The following IQGAP3 variants were observed in gnomAD, a reference collection of about 807,000 sequenced individuals.
IQGAP3 encodes IQ motif containing GTPase activating protein 3, also known as ras GTPase-activating-like protein IQGAP3.
A neutral mutation model predicts 208.2 loss-of-function variants in IQGAP3; 165 were observed. The observed-to-expected ratio is 0.79, with a 90% CI of 0.70 to 0.90. The LOEUF is 0.90. Among genes scored for constraint, IQGAP3 ranks in the 40% least tolerant of loss-of-function variants. The pLI, the probability that IQGAP3 is intolerant of heterozygous loss-of-function variation, is 0.00. For missense variants in IQGAP3, 1,811 were observed against 2,043.1 expected, an observed-to-expected ratio of 0.89 and a Z score of 2.19; for synonymous variants, 703 against 803.6, an observed-to-expected ratio of 0.87 and a Z score of 2.12.
In IQGAP3 at chr1:156,538,955, A is replaced by G; in HGVS notation, c.3135T>C (p.Asn1045=). Residue 1045 remains asparagine (N), a synonymous_variant, in exon 26 of 38, where the codon AAT becomes AAC. Transcript: ENST00000361170. ...CCTGCAGGGCACTCTGTCCCCGCCCATTACGGTAGAATCTCACCACCAGCC... is the reference window on the plus strand; with the variant it reads ...CCTGCAGGGCACTCTGTCCCCGCCCGTTACGGTAGAATCTCACCACCAGCC... The part of the protein sequence containing the change: ...VVRLVVRFYR[N]GRGQSALQEI... 1 of 1,614,170 alleles carries G rather than the reference A, an allele frequency of 6.2e-7. No individual in the cohort carries two copies. The highest frequency in any genetic ancestry group is 2.2e-5 in the East Asian group (1 of 44,888).
At position 156,531,186 on chromosome 1, in the gene IQGAP3, G is replaced by C. The variant is rs1160961023; in HGVS notation, c.4165C>G (p.Leu1389Val). Reference sequence around the variant, plus strand: ...TGCTCTCTGGAAGCCGAGAGGGACAGGATCTCCTTGAGGGTGTCCCCAGGA... The same window carrying C: ...TGCTCTCTGGAAGCCGAGAGGGACACGATCTCCTTGAGGGTGTCCCCAGGA... The part of the protein sequence containing the change: ...FHPGDTLKEI[L>V]SLSASREQEA... Residue 1389 changes from leucine to valine, a missense_variant, in exon 33 of 38, where the codon CTG (leucine) becomes GTG (valine). Leu to Val is a conservative substitution (Grantham distance 32, BLOSUM62 1). Coordinates refer to ENST00000361170, the MANE Select transcript of IQGAP3 (RefSeq NM_178229.5). 9 of 1,613,858 alleles carry C rather than the reference G, an allele frequency of 5.6e-6. No individual in the cohort carries two copies. In the African/African-American group the frequency reaches 8.0e-5, roughly 14 times the overall value.
intron 14 of IQGAP3, 31 bp downstream of exon 14, chr1:156,551,943 C>G (rs1428040472): frequency 1.2e-6 from 2 of 1,606,176 alleles, no homozygotes; most frequent in South Asian, 2.2e-5. Context: ...CTAAGTTGGG[C>G]CATCTCCACC....
rs79245953 is a variant in IQGAP3 at position 156,550,734 on chromosome 1, C to T, written c.1735-383G>A. 6.3e-3 allele frequency among the ~76,000 whole-genome samples: 959 copies of T among 152,326 alleles called. 4 individuals carry two copies. The highest frequency in any genetic ancestry group is 0.01 in the Non-Finnish European group (713 of 68,018). On this transcript the variant is annotated intron_variant, in intron 15 of 37. Transcript: ENST00000361170. ...TGGAGGCTCCAACTACCTGCCCCCACGCCCCACTCCCCTATGCCTCATTGC... is the reference window on the plus strand; with the variant it reads ...TGGAGGCTCCAACTACCTGCCCCCATGCCCCACTCCCCTATGCCTCATTGC...
chr1:156,561,787 C>T (rs1251829429), intron 10 of IQGAP3, 51 bp downstream of exon 10: 1 of 1,575,472 alleles, frequency 6.3e-7, no homozygotes, highest in East Asian at 2.3e-5. Flanking sequence ...GAGGCCCTCT[C>T]CTATCCTATA....
intron 19 of IQGAP3, among the ~76,000 whole-genome samples, chr1:156,544,987 C>T (rs1273594635): frequency 6.6e-6 from 1 of 151,964 alleles, no homozygotes; most frequent in Non-Finnish European, 1.5e-5. Flanking sequence ...GCCGTGTGCT[C>T]ACCATCTCTG....
chr1:156,566,269 A>G, intron 3 of IQGAP3, 121 bp downstream of exon 3: 4 of 1,256,994 alleles, frequency 3.2e-6, no homozygotes, highest in South Asian at 1.4e-5. Flanking sequence ...ACATAGATTA[A>G]TAACACTCCC....
At chr1:156,569,286 A>T in intron 2 of IQGAP3, 90 bp downstream of exon 2, 1 of 794,858 alleles carries the variant, frequency 1.3e-6, no homozygotes, top group East Asian at 2.6e-5. Context: ...TGGACTCTCG[A>T]TCTGTTGCAT....
chr1:156,536,993 T>G, intron 27 of IQGAP3, 188 bp downstream of exon 27: 1 of 540,294 alleles, frequency 1.9e-6, no homozygotes, highest in Non-Finnish European at 3.2e-6. Flanking sequence ...ACGCCGTCTC[T>G]CAGCTCAGCT....
chr1:156,569,495 G>A (rs750064017), intron 1 of IQGAP3, 32 bp from the exon 2 acceptor site: 2 of 1,080,860 alleles, frequency 1.9e-6, no homozygotes, highest in East Asian at 2.7e-5. Flanking sequence ...GGTCAATGAA[G>A]AGAGCATTAG....
Position 156,540,009 on chromosome 1 carries a change from G to C in IQGAP3, c.2740-19C>G. 6.2e-7 allele frequency: 1 copy of C among 1,613,924 alleles called. No individual in the cohort carries two copies. The highest frequency in any genetic ancestry group is 8.5e-7 in the Non-Finnish European group (1 of 1,179,954). On this transcript the variant is annotated intron_variant, in intron 23 of 37. Transcript: ENST00000361170. ...CCACTTCCTGCAGGGGTGGAGGAGC[G>C]GGTGATACAACTAGCCTAGGCCATC...
At chr1:156,545,603 G>C (rs912794726) in intron 19 of IQGAP3, among the ~76,000 whole-genome samples, 1 of 151,600 alleles carries the variant, frequency 6.6e-6, no homozygotes, top group Non-Finnish European at 1.5e-5. Flanking sequence ...GGGCTCAAGT[G>C]ATCCTCCTGC....
chr1:156,560,819 G>T (rs953806210), intron 11 of IQGAP3, 115 bp downstream of exon 11: 4 of 684,040 alleles, frequency 5.8e-6, no homozygotes, highest in Non-Finnish European at 1.0e-5. Context: ...TCCTAGCCAG[G>T]CTGGAAACAG....
At chr1:156,566,686 C>T in intron 2 of IQGAP3, 140 bp from the exon 3 acceptor site, 1 of 786,564 alleles carries the variant, frequency 1.3e-6, no homozygotes, top group South Asian at 1.8e-5. Flanking sequence ...CCTCCAACTC[C>T]CTTCTCTGCC....
At chr1:156,534,169 G>A (rs774766817) in intron 29 of IQGAP3, 28 bp from the exon 30 acceptor site, 4 of 1,610,980 alleles carry the variant, frequency 2.5e-6, no homozygotes, top group Non-Finnish European at 3.4e-6. Context: ...ATGTGAGAGA[G>A]CGGGGAGGGC....
At chr1:156,572,379 G>A in intron 1 of IQGAP3, 114 bp downstream of exon 1, 2 of 1,167,284 alleles carry the variant, frequency 1.7e-6, no homozygotes, top group Non-Finnish European at 2.5e-6. Context: ...CAGTCCCACC[G>A]CCCTCGCCCC....
intron 15 of IQGAP3, among the ~76,000 whole-genome samples, chr1:156,551,094 G>A (rs1480392750): frequency 2.0e-5 from 3 of 152,190 alleles, no homozygotes; most frequent in Non-Finnish European, 2.9e-5. Context: ...ACAGAGTAAG[G>A]ACTCAATAAA....
At chr1:156,569,680 G>A (rs1676560479) in intron 1 of IQGAP3, among the ~76,000 whole-genome samples, 1 of 151,788 alleles carries the variant, frequency 6.6e-6, no homozygotes, top group African/African-American at 2.4e-5. Context: ...CACCACGCCT[G>A]GCTAATTTTT....
In IQGAP3 at chr1:156,533,839, G is replaced by T; in HGVS notation, c.3910C>A (p.His1304Asn). 1 of 1,612,678 alleles carries T rather than the reference G, an allele frequency of 6.2e-7. No individual in the cohort carries two copies. The highest frequency in any genetic ancestry group is 1.1e-5 in the South Asian group (1 of 90,890). The change falls in exon 31 of 38, where the codon CAC becomes AAC. Residue 1304 changes from histidine to asparagine, a missense_variant. Transcript: ENST00000361170. ...AGGAGCTCATGCAGGGGGTCTTGGT[G>T]ATCAGGGGCAATGCAGTCCTGGTGC... ...LEHQDCIAPDHQDPLHELLED... is the reference protein window; with the variant it reads ...LEHQDCIAPDNQDPLHELLED...
At chr1:156,562,719 C>T (rs1425963920) in intron 8 of IQGAP3, 54 bp from the exon 9 acceptor site, 4 of 1,376,304 alleles carry the variant, frequency 2.9e-6, no homozygotes, top group Non-Finnish European at 3.1e-6. Flanking sequence ...ATCTCCTTGT[C>T]CTGCTCTTCC....
Sources: allele counts gnomAD v4.1 joint callset (sites outside exome capture counted in the v4.1 genomes callset), GRCh38; gene constraint gnomAD v4.1.1; transcripts MANE v1.5; gene names NCBI Gene and HGNC (gene_info 2026-07-23, HGNC 2026-07-21).